The following TUSC3 variants were observed in gnomAD, a reference collection of about 807,000 sequenced individuals.
TUSC3 encodes the protein tumor suppressor candidate 3.
In TUSC3, 45 loss-of-function variants were observed where a neutral mutation model predicts 44.8. The observed-to-expected ratio is 1.00, with a 90% CI of 0.79 to 1.29. The LOEUF (loss-of-function observed/expected upper bound fraction) is 1.29. Ranked by LOEUF, TUSC3 falls within the 50% of genes most tolerant of loss-of-function variation. The probability of loss-of-function intolerance (pLI) is 0.00; values close to 1 mark genes in which losing one functional copy is unlikely to be tolerated. For synonymous variants in TUSC3, 212 were observed against 152.9 expected (o/e 1.39, Z -2.85); for missense variants, 519 against 437.9 (o/e 1.19, Z -1.65).
the TUSC3 span, among the ~76,000 whole-genome samples, chr8:15,781,024 T>G: frequency 6.6e-6 from 1 of 152,124 alleles, no homozygotes; most frequent in African/African-American, 2.4e-5. Context: ...CTAACTAACT[T>G]GTATCAGGTA....
chr8:15,493,476 C>T lies in TUSC3; in HGVS notation n.189+9993C>T, dbSNP rs147673060. On this transcript the variant is annotated intron_variant and non_coding_transcript_variant, in intron 2 of 5. Coordinates refer to the TUSC3 transcript ENST00000503191. Reference sequence around the variant, plus strand: ...CAAGATCTTGCTATGTTGCCCAAGCCGGTCTCGAACTCCTGGCCTTAAGCG... The same window carrying T: ...CAAGATCTTGCTATGTTGCCCAAGCTGGTCTCGAACTCCTGGCCTTAAGCG... Among the ~76,000 whole-genome samples, 345 of 152,130 alleles carry T rather than the reference C, an allele frequency of 2.3e-3. 2 individuals are homozygous for T. The East Asian group carries it at 0.041, about 18-fold the overall frequency.
chr8:15,712,898 G>A (rs890792050), intron 6 of TUSC3, among the ~76,000 whole-genome samples: 3 of 151,996 alleles, frequency 2.0e-5, no homozygotes, highest in Admixed American at 6.6e-5. Flanking sequence ...TCACTCCTCG[G>A]TACAGTTCAG....
chr8:15,732,332 A>T (rs923491210), intron 7 of TUSC3, among the ~76,000 whole-genome samples: 1 of 152,114 alleles, frequency 6.6e-6, no homozygotes, highest in African/African-American at 2.4e-5. Context: ...ATAATGAGTA[A>T]GTCTCATGAG....
intron 2 of TUSC3, among the ~76,000 whole-genome samples, chr8:15,487,301 T>C (rs1320813158): frequency 6.6e-6 from 1 of 152,214 alleles, no homozygotes; most frequent in Non-Finnish European, 1.5e-5. Context: ...TCTGAGTATC[T>C]TGAGAGCAAG....
At chr8:15,587,677 C>T (rs987763610) in intron 1 of TUSC3, among the ~76,000 whole-genome samples, 34 of 152,148 alleles carry the variant, frequency 2.2e-4, no homozygotes, top group Non-Finnish European at 4.1e-4. Flanking sequence ...TTCCTCCTAT[C>T]TGGCTGTAAT....
chr8:15,422,974 A>G (rs908881504), intron 1 of TUSC3, among the ~76,000 whole-genome samples: 1 of 152,172 alleles, frequency 6.6e-6, no homozygotes, highest in Non-Finnish European at 1.5e-5. Context: ...CCTATGCCAC[A>G]GTGTATTTAT....
intron 1 of TUSC3, among the ~76,000 whole-genome samples, chr8:15,472,368 T>C (rs1800505249): frequency 6.6e-6 from 1 of 152,222 alleles, no homozygotes; most frequent in African/African-American, 2.4e-5. Flanking sequence ...CTTTTCTATC[T>C]AGAAAGTTAA....
downstream of TUSC3, among the ~76,000 whole-genome samples, chr8:15,768,412 C>G (rs545694559): frequency 6.6e-6 from 1 of 152,106 alleles, no homozygotes; most frequent in East Asian, 1.9e-4. Flanking sequence ...AAACATGAGG[C>G]ATATGAAGAG....
chr8:15,645,059 A>C (rs376505723), intron 2 of TUSC3, among the ~76,000 whole-genome samples: 1 of 152,130 alleles, frequency 6.6e-6, no homozygotes, highest in Non-Finnish European at 1.5e-5. Context: ...TAATAGTCTC[A>C]TATGTTTTCC....
intron 2 of TUSC3, among the ~76,000 whole-genome samples, chr8:15,489,143 G>A (rs62502460): frequency 0.12 from 18,768 of 152,214 alleles, 1,492 homozygotes; most frequent in Middle Eastern, 0.24. Flanking sequence ...ATACATTTTA[G>A]AGGGACAGAA....
chr8:15,562,766 A>G (rs961330643), intron 1 of TUSC3, among the ~76,000 whole-genome samples: 1 of 152,108 alleles, frequency 6.6e-6, no homozygotes, highest in Non-Finnish European at 1.5e-5. Flanking sequence ...AGCACCATCT[A>G]TAGGCAGTTC....
chr8:15,555,139 CTTTTTTTTTTTT>C lies in TUSC3; in HGVS notation c.138+14583_138+14594del, dbSNP rs60676527. ...TAGGTGACAATATTATAATAGCAGT[CTTTTTTTTTTTT>C]TTTTTTTTTTTGGGGGGGACGAGAT... On this transcript the variant is annotated intron_variant, in intron 1 of 10. Transcript: ENST00000503731. 2.1e-5 allele frequency among the ~76,000 whole-genome samples: 2 copies of C among 93,582 alleles called. 1 individual carries two copies. The highest frequency in any genetic ancestry group is 4.1e-5 in the Non-Finnish European group (2 of 48,880). The allele number at this position is 93,582 out of a possible 152,430, so 61.4% of individuals were successfully genotyped here.
chr8:15,484,280 C>T (rs897783801), intron 2 of TUSC3, among the ~76,000 whole-genome samples: 1 of 152,220 alleles, frequency 6.6e-6, no homozygotes, highest in African/African-American at 2.4e-5. Context: ...GTCCACTCTG[C>T]TCTAGCACAA....
Position 15,765,090 on chromosome 8 carries a change from G to A in TUSC3, c.*934G>A, listed in dbSNP as rs533358596. On this transcript the variant is annotated 3_prime_UTR_variant, in exon 11 of 11. Transcript: ENST00000503731. ...CTTTCTTGAAAACAAACATAGGAGT[G>A]TAATGTACTATTATGTTTGTATCCT... 1 of 152,114 alleles carries A rather than the reference G, an allele frequency of 6.6e-6. No individual in the cohort carries two copies. The highest frequency in any genetic ancestry group is 1.5e-5 in the Non-Finnish European group (1 of 67,916). 9.4% of individuals were successfully genotyped at this position (152,114 alleles called of 1,614,324 possible).
the TUSC3 span, among the ~76,000 whole-genome samples, chr8:15,784,321 C>G: frequency 1.3e-5 from 2 of 152,106 alleles, no homozygotes; most frequent in Non-Finnish European, 2.9e-5. Context: ...GATTATCCAG[C>G]ACTCCTACTT....
At chr8:15,428,033 T>C (rs1264131255) in intron 1 of TUSC3, among the ~76,000 whole-genome samples, 1 of 151,988 alleles carries the variant, frequency 6.6e-6, no homozygotes, top group South Asian at 2.1e-4. Context: ...GTTTGTTACA[T>C]ATGTATACAT....
intron 6 of TUSC3, among the ~76,000 whole-genome samples, chr8:15,715,852 T>A (rs1810035614): frequency 6.6e-6 from 1 of 152,142 alleles, no homozygotes; most frequent in Admixed American, 6.5e-5. Flanking sequence ...TTCCAAATAA[T>A]ATTTCCATGA....
At chr8:15,786,943 A>C in the TUSC3 span, among the ~76,000 whole-genome samples, 1 of 54,518 alleles carries the variant, frequency 1.8e-5, no homozygotes, top group Non-Finnish European at 3.8e-5. Flanking sequence ...GACTCCATCA[A>C]AAAAAAAAAA....
At chr8:15,767,263 T>A (rs547583599), downstream of TUSC3, among the ~76,000 whole-genome samples, 4 of 152,188 alleles carry the variant, frequency 2.6e-5, no homozygotes, top group Admixed American at 6.5e-5. Context: ...AGGGTCCAAC[T>A]ACTATACAAA....
Sources: allele counts gnomAD v4.1 joint callset (sites outside exome capture counted in the v4.1 genomes callset), GRCh38; gene constraint gnomAD v4.1.1; transcripts MANE v1.5; gene names NCBI Gene and HGNC (gene_info 2026-07-23, HGNC 2026-07-21).